MRC1: variants seen among roughly 807,000 people sequenced by gnomAD.
MRC1 encodes mannose receptor C-type 1, also known as macrophage mannose receptor 1.
Under a neutral mutation model 102.9 loss-of-function variants are expected in MRC1, and 62 were observed. That is an observed-to-expected ratio of 0.60 (90% confidence interval 0.49 to 0.74). The LOEUF (loss-of-function observed/expected upper bound fraction) is 0.74. Ranked by LOEUF, MRC1 falls within the 30% of genes least tolerant of loss-of-function variation. The pLI is 0.00. For missense variants in MRC1, 1,237 were observed against 862.8 expected, an observed-to-expected ratio of 1.43 and a Z score of -5.43; for synonymous variants, 457 against 298.4, an observed-to-expected ratio of 1.53 and a Z score of -5.48.
At chr10:17,897,438 AG>A (rs1833771194) in intron 23 of MRC1, among the ~76,000 whole-genome samples, 1 of 152,200 alleles carries the variant, frequency 6.6e-6, no homozygotes, top group African/African-American at 2.4e-5. Flanking sequence ...CTTTACCCAT[AG>A]GCGAAGGGCA....
Position 17,823,076 on chromosome 10 carries a change from A to G in MRC1, c.64A>G (p.Thr22Ala). Residue 22 changes from threonine to alanine, a missense_variant and splice_region_variant, in exon 2 of 30, where the codon ACC becomes GCC. Thr to Ala is a moderately conservative substitution (Grantham distance 58, BLOSUM62 0). Coordinates refer to ENST00000569591, the MANE Select transcript of MRC1 (RefSeq NM_002438.4). ...VIPGAVLLLD[T>A]RQFLIYNEDH... ...CCTGCTTCTTTCTTTTTAAACAGAC[A>G]CCAGGCAATTTTTAATCTATAATGA... 1 of 780,854 alleles carries G rather than the reference A, an allele frequency of 1.3e-6. No homozygotes were observed. The highest frequency in any genetic ancestry group is 2.4e-6 in the Non-Finnish European group (1 of 417,964). 48.4% of individuals were successfully genotyped at this position (780,854 alleles called of 1,614,324 possible).
intron 23 of MRC1, 63 bp downstream of exon 23, chr10:17,894,375 TTTC>T: frequency 1.4e-6 from 1 of 707,912 alleles, no homozygotes; most frequent in Non-Finnish European, 2.4e-6. Context: ...CACTTTTTTC[TTTC>T]TTTCTTTCTT....
At chr10:17,886,351 C>A (rs1833594608) in intron 22 of MRC1, among the ~76,000 whole-genome samples, 1 of 147,342 alleles carries the variant, frequency 6.8e-6, no homozygotes, top group Non-Finnish European at 1.5e-5. Context: ...TCTTTCCCTC[C>A]CTCCCTCTCC....
intron 4 of MRC1, among the ~76,000 whole-genome samples, chr10:17,836,140 A>G (rs1244225034): frequency 6.6e-6 from 1 of 152,196 alleles, no homozygotes; most frequent in Non-Finnish European, 1.5e-5. Flanking sequence ...GGGCAAGAGC[A>G]CACTCCCTAC....
Position 17,867,379 on chromosome 10 carries a change from TCTTCTTCTC to T in MRC1, c.1983+636_1983+644del, listed in dbSNP as rs1159177897. Among the ~76,000 whole-genome samples, 9 of 142,342 alleles carry T rather than the reference TCTTCTTCTC, an allele frequency of 6.3e-5. No homozygotes were observed. The South Asian group carries it at 9.2e-4, about 15-fold the overall frequency. The allele number at this position is 142,342 out of a possible 152,430, so 93.4% of individuals were successfully genotyped here. On this transcript the variant is annotated intron_variant, in intron 12 of 29. Coordinates refer to ENST00000569591, the MANE Select transcript of MRC1 (RefSeq NM_002438.4). ...TTCTCCTTCTCCTTCTTCTTCTTCT[TCTTCTTCTC>T]CTTCTTCTCCTTCTTCTTCTTCTTT... is the stretch of plus-strand genomic sequence containing the variant.
intron 20 of MRC1, 85 bp from the exon 21 acceptor site, chr10:17,880,982 A>T: frequency 1.3e-6 from 1 of 768,618 alleles, no homozygotes; most frequent in Non-Finnish European, 2.4e-6. Context: ...TTCATGAATA[A>T]TTTTGCTTTT....
At chr10:17,835,713 T>A (rs1200479644) in intron 4 of MRC1, among the ~76,000 whole-genome samples, 2 of 152,180 alleles carry the variant, frequency 1.3e-5, no homozygotes, top group African/African-American at 4.8e-5. Context: ...AGTCTCCTGT[T>A]TGGAAAACTA....
intron 3 of MRC1, among the ~76,000 whole-genome samples, chr10:17,832,016 A>G (rs1046293918): frequency 6.6e-6 from 1 of 151,788 alleles, no homozygotes; most frequent in South Asian, 2.1e-4. Context: ...TGTATTAAAT[A>G]TATTCTAGCA....
chr10:17,905,968 A>G (rs1833889446), intron 26 of MRC1, among the ~76,000 whole-genome samples: 1 of 152,222 alleles, frequency 6.6e-6, no homozygotes. Flanking sequence ...CTTAAAAGAT[A>G]TTAGTTATTA....
chr10:17,892,891 T>C (rs1478531385), intron 22 of MRC1, among the ~76,000 whole-genome samples: 13 of 151,488 alleles, frequency 8.6e-5, no homozygotes, highest in African/African-American at 3.2e-4. Flanking sequence ...ACGCCTGTAG[T>C]CCCAGCTACT....
rs1833346395 is a variant in MRC1, at chr10:17,870,903, T to A, written c.2167T>A (p.Ser723Thr). ...GTTGGGATTGACATATGGAAGCCCTTCAGAAGGTTTTACTTGGAGTGATGG... is the reference window on the plus strand; with the variant it reads ...GTTGGGATTGACATATGGAAGCCCTACAGAAGGTTTTACTTGGAGTGATGG... ...FWLGLTYGSP[S>T]EGFTWSDGSP... Residue 723 changes from serine to threonine, a missense_variant, in exon 14 of 30, where the codon TCA becomes ACA. Ser to Thr is a moderately conservative substitution (Grantham distance 58). Coordinates refer to ENST00000569591, the MANE Select transcript of MRC1 (RefSeq NM_002438.4). The A allele has an allele frequency of 1.1e-6, 1 of 872,348 alleles. No homozygotes were observed. Among genetic ancestry groups the A allele is most frequent in the African/African-American group, 1.6e-5 (1 of 61,328 alleles). 54.0% of individuals were successfully genotyped at this position (872,348 alleles called of 1,614,324 possible). A position where few individuals can be genotyped will look rare whatever the true frequency, so the allele number is the denominator to read the frequency against.
chr10:17,850,785 A>C (rs1838902818), intron 7 of MRC1, among the ~76,000 whole-genome samples: 1 of 152,100 alleles, frequency 6.6e-6, no homozygotes, highest in Non-Finnish European at 1.5e-5. Context: ...GGGGAGGAAA[A>C]AGCAACTAAC....
At chr10:17,811,388 CCCTCTTCCTGACAGCAGGATGCCCT>C (rs1361511163) in intron 1 of MRC1, among the ~76,000 whole-genome samples, 14 of 152,046 alleles carry the variant, frequency 9.2e-5, no homozygotes, top group Non-Finnish European at 2.1e-4. Context: ...AGGAGTGTTT[CCCTCTTCCTGACAGCAGGATGCCCT>C]CCTCTGACTA....
At chr10:17,889,923 T>C (rs1167749314) in intron 22 of MRC1, among the ~76,000 whole-genome samples, 2 of 152,178 alleles carry the variant, frequency 1.3e-5, no homozygotes, top group Non-Finnish European at 2.9e-5. Flanking sequence ...TCTAATGCTT[T>C]TCATTTATCT....
At chr10:17,880,720 A>G (rs782176269) in intron 20 of MRC1, 50 bp downstream of exon 20, 1 of 778,622 alleles carries the variant, frequency 1.3e-6, no homozygotes, top group South Asian at 1.4e-5. Context: ...ATGGAGAGTG[A>G]TGCAAATCTT....
At chr10:17,880,018 A>G (rs1342972244) in intron 19 of MRC1, among the ~76,000 whole-genome samples, 197 bp downstream of exon 19, 1 of 152,204 alleles carries the variant, frequency 6.6e-6, no homozygotes, top group Non-Finnish European at 1.5e-5. Flanking sequence ...AGTAAATGAC[A>G]TAGTTAATCT....
chr10:17,875,019 G>T, intron 16 of MRC1, 71 bp from the exon 17 acceptor site: 1 of 779,264 alleles, frequency 1.3e-6, no homozygotes, highest in Non-Finnish European at 2.4e-6. Context: ...TTTCACCTTT[G>T]TGTGCTGTAC....
At chr10:17,905,690 T>C (rs1833885557) in intron 26 of MRC1, among the ~76,000 whole-genome samples, 1 of 152,100 alleles carries the variant, frequency 6.6e-6, no homozygotes, top group African/African-American at 2.4e-5. Flanking sequence ...TATGTAGTCA[T>C]GCAGTGAAAA....
At position 17,898,182 on chromosome 10, in the gene MRC1, T is replaced by C. The variant is rs1833780931; in HGVS notation, c.3399T>C (p.Ile1133=). The C allele has an allele frequency of 1.3e-6, 1 of 780,884 alleles. No homozygotes were observed. Among genetic ancestry groups the C allele is most frequent in the Non-Finnish European group, 2.4e-6 (1 of 417,958 alleles). 48.4% of individuals were successfully genotyped at this position (780,884 alleles called of 1,614,324 possible). A position where few individuals can be genotyped will look rare whatever the true frequency, so the allele number is the denominator to read the frequency against. The change falls in exon 24 of 30, where the codon ATT becomes ATC. Residue 1133 remains isoleucine, a synonymous_variant. Coordinates refer to ENST00000569591, the MANE Select transcript of MRC1 (RefSeq NM_002438.4). ...TTCACAATTCCCTTATAGCCAGCAT[T>C]CTGGATCCCTACAGTAATGCATTTG... ...CKLHNSLIAS[I]LDPYSNAFAW... is the part of the protein sequence containing the mutation.
Sources: allele counts gnomAD v4.1 joint callset (sites outside exome capture counted in the v4.1 genomes callset), GRCh38; gene constraint gnomAD v4.1.1; transcripts MANE v1.5; gene names NCBI Gene and HGNC (gene_info 2026-07-23, HGNC 2026-07-21).